ZBTB20: variants seen among roughly 807,000 people sequenced by gnomAD.
ZBTB20 encodes the protein zinc finger and BTB domain containing 20.
In ZBTB20, 9 loss-of-function variants were observed where a neutral mutation model predicts 56.9. The observed-to-expected ratio is 0.16, with a 90% CI of 0.10 to 0.28. ZBTB20 has a LOEUF of 0.28. ZBTB20 is among the 10% of genes least tolerant of loss of function. The probability of loss-of-function intolerance (pLI) is 1.00; values close to 1 mark genes in which losing one functional copy is unlikely to be tolerated. For synonymous variants in ZBTB20, 417 were observed against 420.7 expected (o/e 0.99, Z 0.11); for missense variants, 655 against 1,003.0 (o/e 0.65, Z 4.69).
At chr3:115,027,606 C>G (rs1560505136) in intron 2 of ZBTB20, 1 of 150,898 alleles carries the variant, frequency 6.6e-6, no homozygotes, top group Non-Finnish European at 1.5e-5. Context: ...ATTCTTACTT[C>G]ACAAAATATT....
rs544027622 is a variant in ZBTB20 at position 114,336,688 on chromosome 3, G to A, written c.*2317C>T. 2 of 152,276 alleles carry A rather than the reference G, an allele frequency of 1.3e-5. No homozygotes were observed. Among genetic ancestry groups the A allele is most frequent in the African/African-American group, 4.8e-5 (2 of 41,556 alleles). 9.4% of individuals were successfully genotyped at this position (152,276 alleles called of 1,614,324 possible). A position where few individuals can be genotyped will look rare whatever the true frequency, so the allele number is the denominator to read the frequency against. ...ATAAAACCAATTTAGTCATTACAGAGTTGTTTGTGTTGGAAGATTTTCCCT... is the reference window on the plus strand; with the variant it reads ...ATAAAACCAATTTAGTCATTACAGAATTGTTTGTGTTGGAAGATTTTCCCT... On this transcript the variant is annotated 3_prime_UTR_variant, in exon 12 of 12. Coordinates refer to ENST00000675478, the MANE Select transcript of ZBTB20 (RefSeq NM_001348800.3).
intron 7 of ZBTB20, among the ~76,000 whole-genome samples, chr3:114,421,699 A>T (rs1214827563): frequency 1.3e-5 from 2 of 151,956 alleles, no homozygotes; most frequent in African/African-American, 4.8e-5. Flanking sequence ...ATAAAAATGT[A>T]CTCCTGATTT....
At chr3:114,637,388 C>G (rs1328993240) in intron 6 of ZBTB20, among the ~76,000 whole-genome samples, 1 of 152,046 alleles carries the variant, frequency 6.6e-6, no homozygotes, top group Non-Finnish European at 1.5e-5. Context: ...ATTAAAAAAA[C>G]ATGATTCTAG....
chr3:114,465,715 A>G (rs1361637719), intron 7 of ZBTB20, among the ~76,000 whole-genome samples: 6 of 152,160 alleles, frequency 3.9e-5, no homozygotes, highest in African/African-American at 1.2e-4. Context: ...TTAAAAAAAA[A>G]AAAGAAAGAA....
intron 2 of ZBTB20, among the ~76,000 whole-genome samples, chr3:115,040,526 C>CA (rs1304509201): frequency 6.6e-6 from 1 of 151,960 alleles, no homozygotes; most frequent in African/African-American, 2.4e-5. Context: ...ATTATGTACT[C>CA]AGAGGCATGA....
intron 3 of ZBTB20, among the ~76,000 whole-genome samples, chr3:114,922,936 T>C (rs1032990483): frequency 6.6e-6 from 1 of 152,102 alleles, no homozygotes; most frequent in African/African-American, 2.4e-5. Context: ...CAACATGAGG[T>C]TTGTGGGGAC....
intron 5 of ZBTB20, among the ~76,000 whole-genome samples, chr3:114,740,540 C>G (rs1288716179): frequency 2.6e-5 from 4 of 152,138 alleles, no homozygotes; most frequent in Non-Finnish European, 2.9e-5. Flanking sequence ...ATTTATACTT[C>G]AGTATTTTGG....
At chr3:115,026,655 A>G (rs773855483) in intron 2 of ZBTB20, among the ~76,000 whole-genome samples, 3 of 150,776 alleles carry the variant, frequency 2.0e-5, no homozygotes, top group East Asian at 2.0e-4. Context: ...CTTGACTTCA[A>G]TGTCTTCTCT....
At chr3:114,387,174 A>G (rs1336034628) in intron 8 of ZBTB20, 1 of 151,936 alleles carries the variant, frequency 6.6e-6, no homozygotes, top group Non-Finnish European at 1.5e-5. Context: ...GTGGGTAGGT[A>G]TTAAAATTTA....
chr3:114,546,786 G>C (rs948010652), intron 6 of ZBTB20, among the ~76,000 whole-genome samples: 2 of 152,132 alleles, frequency 1.3e-5, no homozygotes, highest in Non-Finnish European at 2.9e-5. Flanking sequence ...AGCACTTATA[G>C]ACCAACACAA....
intron 3 of ZBTB20, among the ~76,000 whole-genome samples, chr3:114,973,790 A>G (rs1158551512): frequency 6.6e-6 from 1 of 152,158 alleles, no homozygotes; most frequent in Non-Finnish European, 1.5e-5. Flanking sequence ...CTCTTGTCTA[A>G]GAAGCCTCCT....
chr3:114,936,696 A>G (rs2107830706), intron 3 of ZBTB20, among the ~76,000 whole-genome samples: 1 of 152,314 alleles, frequency 6.6e-6, no homozygotes, highest in Non-Finnish European at 1.5e-5. Flanking sequence ...CTAGTCTTTC[A>G]CCTATCAGAT....
At chr3:114,615,169 T>C (rs550001328) in intron 6 of ZBTB20, among the ~76,000 whole-genome samples, 4 of 152,332 alleles carry the variant, frequency 2.6e-5, no homozygotes, top group Admixed American at 1.3e-4. Flanking sequence ...GAATCTTTCC[T>C]ATTGGTTTCC....
intron 4 of ZBTB20, among the ~76,000 whole-genome samples, chr3:114,869,833 T>C (rs567914382): frequency 6.6e-6 from 1 of 152,146 alleles, no homozygotes; most frequent in Non-Finnish European, 1.5e-5. Flanking sequence ...TACAAACAAA[T>C]AGCAAAAATG....
chr3:114,425,240 C>G (rs546764748), intron 7 of ZBTB20, among the ~76,000 whole-genome samples: 6 of 152,320 alleles, frequency 3.9e-5, no homozygotes, highest in African/African-American at 1.4e-4. Context: ...TTGTGTCAGC[C>G]TGGCCCTCTA....
intron 10 of ZBTB20, among the ~76,000 whole-genome samples, chr3:114,360,694 G>T (rs532453327): frequency 6.6e-6 from 1 of 152,124 alleles, no homozygotes; most frequent in South Asian, 2.1e-4. Context: ...GTTCACTGAG[G>T]AGTAAAGACC....
chr3:114,893,930 T>G (rs1171435389), intron 4 of ZBTB20, among the ~76,000 whole-genome samples: 1 of 152,124 alleles, frequency 6.6e-6, no homozygotes, highest in Non-Finnish European at 1.5e-5. Context: ...AAGACAATTG[T>G]CAGTAAAAAA....
At chr3:114,551,684 A>G (rs532039030) in intron 6 of ZBTB20, among the ~76,000 whole-genome samples, 1 of 152,350 alleles carries the variant, frequency 6.6e-6, no homozygotes, top group African/African-American at 2.4e-5. Flanking sequence ...TTCAGCTTCT[A>G]TTCTTATAAA....
chr3:115,128,173 G>T (rs945554145), intron 1 of ZBTB20, among the ~76,000 whole-genome samples: 1 of 151,996 alleles, frequency 6.6e-6, no homozygotes, highest in African/African-American at 2.4e-5. Context: ...AAACAGTGAA[G>T]AAATATATTT....
Sources: allele counts gnomAD v4.1 joint callset (sites outside exome capture counted in the v4.1 genomes callset), GRCh38; gene constraint gnomAD v4.1.1; transcripts MANE v1.5; gene names NCBI Gene and HGNC (gene_info 2026-07-23, HGNC 2026-07-21).